The following CSF2RA variants were observed in gnomAD, a reference collection of about 807,000 sequenced individuals.
CSF2RA encodes the protein granulocyte-macrophage colony-stimulating factor receptor subunit alpha.
In CSF2RA, 42 loss-of-function variants were observed where a neutral mutation model predicts 51.6. The observed-to-expected ratio is 0.81, with a 90% CI of 0.64 to 1.05. The LOEUF is 1.05. CSF2RA is among the 50% of genes least tolerant of loss of function. The probability of loss-of-function intolerance (pLI) is 0.00; values close to 1 mark genes in which losing one functional copy is unlikely to be tolerated. For synonymous variants in CSF2RA, 222 were observed against 193.0 expected (o/e 1.15, Z -1.24); for missense variants, 530 against 501.1 (o/e 1.06, Z -0.55).
chrX:1,292,639 A>G (rs1287473195), intron 7 of CSF2RA, among the ~76,000 whole-genome samples: 1 of 152,130 alleles, frequency 6.6e-6, no homozygotes, highest in East Asian at 1.9e-4. Context: ...CCACACAAAC[A>G]TCAGTGTAGC....
At chrX:1,272,887 C>T (rs2088640206) in intron 1 of CSF2RA, among the ~76,000 whole-genome samples, 1 of 148,570 alleles carries the variant, frequency 6.7e-6, no homozygotes, top group African/African-American at 2.5e-5. Context: ...GGCACAATCT[C>T]AGCTCACCAC....
At chrX:1,304,085 C>G in intron 11 of CSF2RA, 66 bp downstream of exon 11, 1 of 1,314,800 alleles carries the variant, frequency 7.6e-7, no homozygotes, top group Admixed American at 1.7e-5. Context: ...AGCGCTTTGT[C>G]CAGTCTCTGT....
chrX:1,277,976 C>CA (rs1329295237), intron 2 of CSF2RA, among the ~76,000 whole-genome samples: 53,506 of 104,728 alleles, frequency 0.51, 13,352 homozygotes, highest in Non-Finnish European at 0.59. Context: ...GACTCAGTCT[C>CA]AAAAAAAAAA....
At chrX:1,314,251 C>T (rs1295086695), downstream of CSF2RA, among the ~76,000 whole-genome samples, 437 of 27,682 alleles carry the variant, frequency 0.016, 7 homozygotes, top group African/African-American at 0.038. Context: ...CCCCACTGCA[C>T]CTGCCCAACC....
intron 2 of CSF2RA, among the ~76,000 whole-genome samples, chrX:1,279,343 G>A (rs1399745538): frequency 7.0e-6 from 1 of 142,466 alleles, no homozygotes; most frequent in Non-Finnish European, 1.5e-5. Flanking sequence ...GAGCAAGACC[G>A]TCTACAAAAT....
At chrX:1,275,639 A>G (rs1249142037) in intron 2 of CSF2RA, among the ~76,000 whole-genome samples, 1 of 151,256 alleles carries the variant, frequency 6.6e-6, no homozygotes, top group Non-Finnish European at 1.5e-5. Context: ...GCTCACTGCA[A>G]CCTCCGCCTC....
chrX:1,290,348 A>C lies in CSF2RA; in HGVS notation c.485A>C (p.Glu162Ala), dbSNP rs746572183. Residue 162 changes from glutamate to alanine, a missense_variant, in exon 7 of 13, where the codon GAG becomes GCG. Physicochemically the swap from Glu to Ala is moderately radical, Grantham distance 107. Coordinates refer to ENST00000381529, the MANE Select transcript of CSF2RA (RefSeq NM_172245.4). The part of the protein sequence containing the change: ...LYIRNSKRRR[E>A]IRCPYYIQDS... Reference sequence around the variant, plus strand: ...TTCTAATCTTTCAGGAGAAGGAGGGAGATCCGGTGTCCTTATTACATACAA... The same window carrying C: ...TTCTAATCTTTCAGGAGAAGGAGGGCGATCCGGTGTCCTTATTACATACAA... 5 of 1,612,938 alleles carry C rather than the reference A, an allele frequency of 3.1e-6. No homozygotes were observed. Among genetic ancestry groups the C allele is most frequent in the Non-Finnish European group, 4.2e-6 (5 of 1,179,356 alleles).
intron 3 of CSF2RA, among the ~76,000 whole-genome samples, chrX:1,283,407 T>C (rs1278930661): frequency 5.4e-5 from 8 of 149,404 alleles, no homozygotes; most frequent in African/African-American, 2.0e-4. Flanking sequence ...CTTCCTTCCC[T>C]CCTTCCCTCT....
chrX:1,305,682 C>A (rs1569511939), intron 12 of CSF2RA, 155 bp downstream of exon 12: 1 of 1,581,314 alleles, frequency 6.3e-7, no homozygotes, highest in Non-Finnish European at 8.6e-7. Context: ...CACTCCTGGG[C>A]CTTCTCCCGG....
At chrX:1,288,720 C>G in intron 5 of CSF2RA, 39 bp from the exon 6 acceptor site, 1 of 1,613,922 alleles carries the variant, frequency 6.2e-7, no homozygotes. Context: ...TCCCGTTGAA[C>G]TTCGGAGTGA....
intron 3 of CSF2RA, among the ~76,000 whole-genome samples, chrX:1,283,505 CT>C (rs372783935): frequency 0.013 from 1,672 of 131,290 alleles, 31 homozygotes; most frequent in Middle Eastern, 0.071. Flanking sequence ...TTTCTTTCTC[CT>C]TTTTTTTTCT....
intron 4 of CSF2RA, among the ~76,000 whole-genome samples, chrX:1,286,228 G>A (rs1433791078): frequency 1.4e-4 from 21 of 151,800 alleles, no homozygotes; most frequent in African/African-American, 3.6e-4. Context: ...AGTCGAGCTC[G>A]TGCCATTGCA....
At chrX:1,316,059 A>AATAGATGATAGATAGATAGATAG in the CSF2RA span, among the ~76,000 whole-genome samples, 1 of 149,036 alleles carries the variant, frequency 6.7e-6, no homozygotes, top group Non-Finnish European at 1.5e-5. Context: ...TAGATAGATC[A>AATAGATGATAGATAGATAGATAG]ATAGATAGAT....
At chrX:1,288,343 G>GGACA (rs1424658962) in intron 4 of CSF2RA, among the ~76,000 whole-genome samples, 176 bp from the exon 5 acceptor site, 5 of 116,900 alleles carry the variant, frequency 4.3e-5, no homozygotes, top group Admixed American at 9.7e-5. Flanking sequence ...TTAGCAGGGT[G>GGACA]TGGTGGCGGG....
chrX:1,279,005 C>T (rs2089557390), intron 2 of CSF2RA, among the ~76,000 whole-genome samples: 1 of 151,282 alleles, frequency 6.6e-6, no homozygotes. Flanking sequence ...CCACTGTACT[C>T]CAGCCTGGGC....
intron 2 of CSF2RA, among the ~76,000 whole-genome samples, chrX:1,278,697 A>AT (rs2089514059): frequency 7.2e-6 from 1 of 138,608 alleles, no homozygotes; most frequent in Non-Finnish European, 1.6e-5. Context: ...AAAAAAAAAA[A>AT]ATTCAGGGCA....
At position 1,309,770 on chromosome X, in the gene CSF2RA, C is replaced by T. The variant is rs1217288955; in HGVS notation, c.*291C>T. 1 of 655,184 alleles carries T rather than the reference C, an allele frequency of 1.5e-6. No individual in the cohort carries two copies. Among genetic ancestry groups the T allele is most frequent in the Admixed American group, 2.4e-5 (1 of 41,508 alleles). The allele number at this position is 655,184 out of a possible 1,614,324, so 40.6% of individuals were successfully genotyped here. On this transcript the variant is annotated 3_prime_UTR_variant, in exon 13 of 13. Transcript: ENST00000381529. The stretch of plus-strand genomic sequence containing the variant: ...AGGCACGGCGGCGGACGCCCATCAT[C>T]CCAGCTACTTGGGAGGCTGAGGCAG...
At chrX:1,296,132 C>T (rs1360907266) in intron 9 of CSF2RA, among the ~76,000 whole-genome samples, 1 of 151,508 alleles carries the variant, frequency 6.6e-6, no homozygotes, top group Admixed American at 6.6e-5. Context: ...CCTACAGTCC[C>T]CTACCCATGA....
intron 12 of CSF2RA, among the ~76,000 whole-genome samples, chrX:1,307,250 C>T (rs1406768194): frequency 3.3e-5 from 5 of 152,152 alleles, no homozygotes; most frequent in African/African-American, 1.2e-4. Context: ...AAACTCTTGT[C>T]GGGGAACCTC....
Sources: allele counts gnomAD v4.1 joint callset (sites outside exome capture counted in the v4.1 genomes callset), GRCh38; gene constraint gnomAD v4.1.1; transcripts MANE v1.5; gene names NCBI Gene and HGNC (gene_info 2026-07-23, HGNC 2026-07-21).